Variants in MYO1D observed in about 807,000 individuals in gnomAD.
MYO1D encodes the protein myosin ID.
In MYO1D, 83 loss-of-function variants were observed where a neutral mutation model predicts 122.0. The ratio of observed to expected loss-of-function variants is 0.68; its 90% confidence interval spans 0.57 to 0.82. The LOEUF (loss-of-function observed/expected upper bound fraction) is 0.82. Ranked by LOEUF, MYO1D falls within the 40% of genes least tolerant of loss-of-function variation. The pLI is 0.00. For missense variants in MYO1D, 1,157 were observed against 1,269.5 expected (o/e 0.91, Z 1.35); for synonymous variants, 464 against 446.9 (o/e 1.04, Z -0.48).
intron 21 of MYO1D, chr17:32,498,277 A>G (rs906377272): frequency 6.6e-6 from 1 of 152,330 alleles, no homozygotes. Context: ...AAAAGGTGGT[A>G]TTTAGTGGCG....
At chr17:32,707,009 ATTTT>A (rs879590646) in intron 16 of MYO1D, among the ~76,000 whole-genome samples, 1 of 150,470 alleles carries the variant, frequency 6.6e-6, no homozygotes, top group Admixed American at 6.7e-5. Flanking sequence ...CAGATCCATA[ATTTT>A]TTTTTTAAGA....
chr17:32,804,282 A>T (rs2090488648), intron 1 of MYO1D, among the ~76,000 whole-genome samples: 1 of 152,184 alleles, frequency 6.6e-6, no homozygotes, highest in African/African-American at 2.4e-5. Context: ...ACAGATGTAG[A>T]TTTCCAAATA....
At chr17:32,701,127 G>C (rs1291053443) in intron 16 of MYO1D, among the ~76,000 whole-genome samples, 1 of 151,980 alleles carries the variant, frequency 6.6e-6, no homozygotes, top group African/African-American at 2.4e-5. Context: ...AAGGAAATGA[G>C]AAGAAAATGT....
intron 15 of MYO1D, among the ~76,000 whole-genome samples, chr17:32,718,625 C>T (rs188584310): frequency 7.2e-5 from 11 of 152,014 alleles, no homozygotes; most frequent in East Asian, 1.9e-4. Flanking sequence ...CGCTTGAACC[C>T]GGGAGGTGGA....
chr17:32,542,364 C>A (rs946723822), intron 21 of MYO1D, among the ~76,000 whole-genome samples: 1 of 152,218 alleles, frequency 6.6e-6, no homozygotes. Flanking sequence ...ATCTTAAATG[C>A]ATATGTGTGC....
intron 1 of MYO1D, among the ~76,000 whole-genome samples, chr17:32,813,330 G>A (rs1272565973): frequency 1.3e-5 from 2 of 152,178 alleles, no homozygotes; most frequent in Non-Finnish European, 2.9e-5. Context: ...ACAAGTAAAA[G>A]GAAAATGTAA....
chr17:32,723,867 T>C (rs1194027330), intron 14 of MYO1D, among the ~76,000 whole-genome samples: 1 of 152,180 alleles, frequency 6.6e-6, no homozygotes, highest in Non-Finnish European at 1.5e-5. Flanking sequence ...TGATTTGTTA[T>C]GGATTGATAG....
intron 20 of MYO1D, among the ~76,000 whole-genome samples, chr17:32,621,205 GT>G (rs1161392013): frequency 6.6e-6 from 1 of 152,028 alleles, no homozygotes; most frequent in Admixed American, 6.6e-5. Context: ...TGCTCAAAAA[GT>G]TTTGGAATTT....
intron 16 of MYO1D, among the ~76,000 whole-genome samples, chr17:32,685,991 C>T (rs141054512): frequency 6.6e-6 from 1 of 152,150 alleles, no homozygotes; most frequent in Non-Finnish European, 1.5e-5. Flanking sequence ...TTATATCCAC[C>T]AAGTTTTAGA....
rs146051461 is a variant in MYO1D at position 32,551,766 on chromosome 17, A to C, written c.2864+53321T>G. On this transcript the variant is annotated intron_variant, in intron 21 of 21. Transcript: ENST00000318217. The stretch of plus-strand genomic sequence containing the variant: ...ATCCTTTCTATTTTCTGCTGGAATG[A>C]AAGTTCCATGGCACAGGAACACCGT... Among the ~76,000 whole-genome samples, 228 of 152,310 alleles carry C rather than the reference A, an allele frequency of 1.5e-3. 1 individual carries two copies. The highest frequency in any genetic ancestry group is 4.6e-3 in the African/African-American group (192 of 41,572).
chr17:32,712,032 G>C lies in MYO1D; in HGVS notation c.2077C>G (p.Leu693Val), dbSNP rs2089383390. 1.9e-6 allele frequency: 3 copies of C among 1,614,006 alleles called. No homozygotes were observed. In the Admixed American group the frequency reaches 5.0e-5, roughly 27 times the overall value. The change falls in exon 16 of 22, where the codon CTC (leucine) becomes GTC (valine). Residue 693 changes from leucine to valine, a missense_variant. Physicochemically the swap from Leu to Val is conservative, Grantham distance 32. Coordinates refer to ENST00000318217, the MANE Select transcript of MYO1D (RefSeq NM_015194.3). ...TPRTLFTLEE[L>V]RAQMLIRIVL... ...ATCCTTATGAGCATCTGGGCACGGA[G>C]TTCTTCCAAGGTAAACAATGTTCGG...
chr17:32,495,753 C>T (rs556842297), intron 21 of MYO1D: 43 of 152,432 alleles, frequency 2.8e-4, no homozygotes, highest in African/African-American at 1.0e-3. Context: ...CAGCACAATC[C>T]CACGCTGTAC....
chr17:32,732,367 C>T (rs990400403), intron 14 of MYO1D, among the ~76,000 whole-genome samples: 4 of 152,192 alleles, frequency 2.6e-5, no homozygotes, highest in Admixed American at 1.3e-4. Context: ...AATCAGCGCA[C>T]ACTTCCCCTC....
chr17:32,867,690 A>G (rs1382367309), intron 1 of MYO1D, among the ~76,000 whole-genome samples: 2 of 149,758 alleles, frequency 1.3e-5, no homozygotes, highest in African/African-American at 2.5e-5. Context: ...CCAGCTACTC[A>G]GGAGGCTGAG....
chr17:32,684,894 C>G (rs942149745), intron 16 of MYO1D, among the ~76,000 whole-genome samples: 2 of 152,158 alleles, frequency 1.3e-5, no homozygotes, highest in African/African-American at 2.4e-5. Context: ...AAAATACAAA[C>G]TCTTCATCTT....
rs1001401235 is a variant in MYO1D, at chr17:32,500,831, C to A, written c.2865-5916G>T. Among the ~76,000 whole-genome samples, 6 of 152,058 alleles carry A rather than the reference C, an allele frequency of 3.9e-5. No individual in the cohort carries two copies. The East Asian group carries it at 1.2e-3, about 29-fold the overall frequency. On this transcript the variant is annotated intron_variant, in intron 21 of 21. Transcript: ENST00000318217. Reference sequence around the variant, plus strand: ...ACCATCCTGGCCAACATGGTGAAACCCCATCTCTACTAGAAATACACAAAA... The same window carrying A: ...ACCATCCTGGCCAACATGGTGAAACACCATCTCTACTAGAAATACACAAAA...
intron 16 of MYO1D, among the ~76,000 whole-genome samples, chr17:32,677,593 A>G (rs1384462005): frequency 6.2e-5 from 1 of 16,260 alleles, no homozygotes; most frequent in Admixed American, 5.8e-4. Context: ...ATATATATAT[A>G]TATATATATA....
chr17:32,546,016 T>C (rs564521686), intron 21 of MYO1D, among the ~76,000 whole-genome samples: 1 of 152,308 alleles, frequency 6.6e-6, no homozygotes, highest in Non-Finnish European at 1.5e-5. Flanking sequence ...TGGAGACTCA[T>C]ATGATTCTTT....
intron 21 of MYO1D, among the ~76,000 whole-genome samples, chr17:32,533,943 G>A (rs532697054): frequency 2.7e-4 from 41 of 152,138 alleles, no homozygotes; most frequent in Non-Finnish European, 5.6e-4. Context: ...ACTGCATAAA[G>A]TTTTCTGTTA....
Sources: gnomAD v4.1 joint callset for allele counts (sites outside exome capture counted in the v4.1 genomes callset) on GRCh38, gnomAD v4.1.1 for gene constraint, MANE v1.5 for transcripts, NCBI Gene and HGNC (gene_info 2026-07-23, HGNC 2026-07-21) for gene names.